The following PTPRD variants were observed in gnomAD, a reference collection of about 807,000 sequenced individuals.
The protein encoded by PTPRD is protein tyrosine phosphatase receptor type D, also known as receptor-type tyrosine-protein phosphatase delta.
Under a neutral mutation model 214.5 loss-of-function variants are expected in PTPRD, and 34 were observed. The ratio of observed to expected loss-of-function variants is 0.16; its 90% CI spans 0.12 to 0.21. The LOEUF is 0.21. Ranked by LOEUF, PTPRD falls within the 10% of genes least tolerant of loss-of-function variation. The probability of loss-of-function intolerance (pLI) is 1.00; values close to 1 mark genes in which losing one functional copy is unlikely to be tolerated. For missense variants in PTPRD, 2,545 were observed against 2,398.7 expected, an observed-to-expected ratio of 1.06 and a Z score of -1.27; for synonymous variants, 1,128 against 845.7, an observed-to-expected ratio of 1.33 and a Z score of -5.79.
intron 5 of PTPRD, among the ~76,000 whole-genome samples, chr9:9,824,424 C>A (rs1003385757): frequency 7.2e-5 from 11 of 151,956 alleles, no homozygotes; most frequent in Non-Finnish European, 1.3e-4. Context: ...GTCATACCTA[C>A]CATTCATACT....
At chr9:8,621,663 T>C (rs991632269) in intron 14 of PTPRD, among the ~76,000 whole-genome samples, 1 of 151,702 alleles carries the variant, frequency 6.6e-6, no homozygotes, top group Admixed American at 6.6e-5. Flanking sequence ...CCAGTGAGTG[T>C]TAACTTTATT....
At chr9:9,273,738 A>C (rs762702279) in intron 9 of PTPRD, among the ~76,000 whole-genome samples, 7 of 151,294 alleles carry the variant, frequency 4.6e-5, no homozygotes, top group Non-Finnish European at 1.0e-4. Context: ...TTGACATTTG[A>C]GCTGTCAGCT....
rs547817650 is a variant in PTPRD, at chr9:8,717,238, G to C, written c.64+16542C>G. 4.6e-5 allele frequency among the ~76,000 whole-genome samples: 7 copies of C among 152,284 alleles called. No homozygotes were observed. The East Asian group carries it at 1.4e-3, about 29-fold the overall frequency. ...GGAGAGACACAAAAACCGTATCAAT[G>C]TGCATTAGGTGTGTTGGGGGGAGAA... On this transcript the variant is annotated intron_variant, in intron 12 of 45. Transcript: ENST00000381196.
At chr9:9,338,451 G>A (rs189013358) in intron 9 of PTPRD, among the ~76,000 whole-genome samples, 2 of 152,084 alleles carry the variant, frequency 1.3e-5, no homozygotes, top group African/African-American at 4.8e-5. Context: ...AACAAGAAAG[G>A]CTTTAGGTTT....
chr9:10,098,123 G>C (rs1334093105), intron 3 of PTPRD, among the ~76,000 whole-genome samples: 3 of 151,922 alleles, frequency 2.0e-5, no homozygotes, highest in South Asian at 4.1e-4. Flanking sequence ...ACTGGATTAA[G>C]AAAATGTGGC....
intron 10 of PTPRD, among the ~76,000 whole-genome samples, chr9:9,082,188 C>T (rs1299572054): frequency 2.6e-5 from 4 of 152,060 alleles, no homozygotes; most frequent in South Asian, 4.1e-4. Context: ...CCCCAATGAA[C>T]ATCGATGCAA....
chr9:9,043,488 G>A (rs1428989751), intron 10 of PTPRD, among the ~76,000 whole-genome samples: 1 of 152,128 alleles, frequency 6.6e-6, no homozygotes, highest in Non-Finnish European at 1.5e-5. Context: ...GTTCTGCTAA[G>A]GGAAAGACGC....
At chr9:9,728,472 A>T (rs914482824) in intron 7 of PTPRD, among the ~76,000 whole-genome samples, 1 of 152,188 alleles carries the variant, frequency 6.6e-6, no homozygotes, top group Non-Finnish European at 1.5e-5. Context: ...GAATGATGCT[A>T]GTTGGCATGT....
At chr9:9,885,549 A>C (rs2070530291) in intron 5 of PTPRD, among the ~76,000 whole-genome samples, 1 of 151,958 alleles carries the variant, frequency 6.6e-6, no homozygotes, top group African/African-American at 2.4e-5. Flanking sequence ...TATGTTAAGG[A>C]TTTTGAGATG....
chr9:9,639,813 C>T (rs2095878459), intron 7 of PTPRD, among the ~76,000 whole-genome samples: 1 of 152,018 alleles, frequency 6.6e-6, no homozygotes, highest in South Asian at 2.1e-4. Flanking sequence ...GTTGACTTTG[C>T]TTAGGTTTGT....
intron 12 of PTPRD, among the ~76,000 whole-genome samples, chr9:8,708,922 A>G (rs1033970682): frequency 3.3e-5 from 5 of 152,162 alleles, no homozygotes; most frequent in Non-Finnish European, 5.9e-5. Flanking sequence ...CCTTTAAAAA[A>G]AGAATGAAAT....
chr9:10,444,838 A>G (rs1234735191), intron 2 of PTPRD, among the ~76,000 whole-genome samples: 1 of 151,984 alleles, frequency 6.6e-6, no homozygotes, highest in African/African-American at 2.4e-5. Context: ...AAATTAACTA[A>G]CTTTTTCTAA....
chr9:8,676,562 T>A (rs747257947), intron 12 of PTPRD, among the ~76,000 whole-genome samples: 1 of 151,516 alleles, frequency 6.6e-6, no homozygotes, highest in Non-Finnish European at 1.5e-5. Context: ...TTTGTGTGGG[T>A]TTCTTTTTTT....
intron 2 of PTPRD, among the ~76,000 whole-genome samples, chr9:10,466,634 A>G (rs2098996024): frequency 6.7e-6 from 1 of 148,588 alleles, no homozygotes; most frequent in Non-Finnish European, 1.5e-5. Context: ...AAAAAAAAAA[A>G]AAAAAAAAAA....
chr9:8,565,115 T>C (rs1233750281), intron 14 of PTPRD, among the ~76,000 whole-genome samples: 1 of 152,114 alleles, frequency 6.6e-6, no homozygotes, highest in African/African-American at 2.4e-5. Flanking sequence ...GGCCATGTAA[T>C]CTGCTCCCTG....
intron 11 of PTPRD, among the ~76,000 whole-genome samples, chr9:8,870,917 G>A (rs544733185): frequency 6.6e-6 from 1 of 152,128 alleles, no homozygotes; most frequent in Admixed American, 6.6e-5. Context: ...GCAGTTTGCC[G>A]TATCCTTGGG....
At chr9:8,952,924 G>A (rs1003939885) in intron 11 of PTPRD, among the ~76,000 whole-genome samples, 1 of 150,438 alleles carries the variant, frequency 6.6e-6, no homozygotes, top group African/African-American at 2.4e-5. Context: ...ATCTTTCACT[G>A]GCTTCTGTCC....
chr9:9,749,811 C>G (rs573539056), intron 6 of PTPRD, among the ~76,000 whole-genome samples: 1 of 152,268 alleles, frequency 6.6e-6, no homozygotes, highest in East Asian at 1.9e-4. Flanking sequence ...GTCACGCTTC[C>G]TGTCTCTTTC....
intron 14 of PTPRD, among the ~76,000 whole-genome samples, chr9:8,597,895 C>G (rs140773905): frequency 6.6e-6 from 1 of 152,062 alleles, no homozygotes; most frequent in Admixed American, 6.6e-5. Context: ...GAAAAATGTA[C>G]TCATTTTTCT....
Sources: gnomAD v4.1 joint callset for allele counts (sites outside exome capture counted in the v4.1 genomes callset) on GRCh38, gnomAD v4.1.1 for gene constraint, MANE v1.5 for transcripts, NCBI Gene and HGNC (gene_info 2026-07-23, HGNC 2026-07-21) for gene names.